The following HYCC1 variants were observed in gnomAD, a reference collection of about 807,000 sequenced individuals.
HYCC1 encodes the protein hyccin.
chr7:22,949,622 T>C, the HYCC1 span, among the ~76,000 whole-genome samples: 3 of 151,984 alleles, frequency 2.0e-5, no homozygotes, highest in Non-Finnish European at 4.4e-5. Flanking sequence ...GAGATGCCAA[T>C]GAAAGCTGTT....
chr7:22,937,696 T>C, the HYCC1 span: 1 of 152,188 alleles, frequency 6.6e-6, no homozygotes, highest in Admixed American at 6.5e-5. Context: ...AAAACAAATC[T>C]TTATTCACCA....
At chr7:22,995,394 A>G in the HYCC1 span, among the ~76,000 whole-genome samples, 1 of 152,050 alleles carries the variant, frequency 6.6e-6, no homozygotes, top group Non-Finnish European at 1.5e-5. Flanking sequence ...AGAAGTCTTA[A>G]TTCCTAGAAT....
the HYCC1 span, among the ~76,000 whole-genome samples, chr7:22,919,040 A>G: frequency 6.6e-6 from 1 of 152,204 alleles, no homozygotes; most frequent in African/African-American, 2.4e-5. Context: ...CCATAGTCCC[A>G]ACAATGTATT....
the HYCC1 span, among the ~76,000 whole-genome samples, chr7:23,002,155 TATATATATATATATATATATAC>T: frequency 4.9e-4 from 13 of 26,420 alleles, no homozygotes; most frequent in South Asian, 4.0e-3. Context: ...TATATATATA[TATATATATATATATATATATAC>T]ATATAGTTTG....
At chr7:22,945,529 T>C in the HYCC1 span, 1 of 1,325,388 alleles carries the variant, frequency 7.5e-7, no homozygotes, top group African/African-American at 1.4e-5. Flanking sequence ...GGTACTTTCA[T>C]AAAGAAGCAA....
chr7:22,907,966 C>A, the HYCC1 span, among the ~76,000 whole-genome samples: 1 of 152,138 alleles, frequency 6.6e-6, no homozygotes, highest in Non-Finnish European at 1.5e-5. Flanking sequence ...CTACCACCCC[C>A]ACTCTCCCAT....
the HYCC1 span, among the ~76,000 whole-genome samples, chr7:22,997,039 C>T: frequency 3.9e-5 from 6 of 152,048 alleles, no homozygotes; most frequent in African/African-American, 1.4e-4. Flanking sequence ...AGAAGGCTTG[C>T]TAGGAGTCTA....
At chr7:22,947,007 A>C in the HYCC1 span, 2 of 1,549,770 alleles carry the variant, frequency 1.3e-6, no homozygotes, top group Non-Finnish European at 1.7e-6. Context: ...AGGTGAGTTT[A>C]TTCCATCCTC....
chr7:22,990,126 T>G, the HYCC1 span, among the ~76,000 whole-genome samples: 1 of 152,168 alleles, frequency 6.6e-6, no homozygotes, highest in Non-Finnish European at 1.5e-5. Context: ...TACATTAACT[T>G]TGTAGTTTTC....
At chr7:22,916,165 T>C in the HYCC1 span, among the ~76,000 whole-genome samples, 3 of 152,284 alleles carry the variant, frequency 2.0e-5, no homozygotes, top group African/African-American at 7.2e-5. Context: ...CATGGCCTTT[T>C]AAAGCCTATA....
the HYCC1 span, among the ~76,000 whole-genome samples, chr7:22,927,307 G>A: frequency 2.0e-5 from 3 of 152,098 alleles, no homozygotes; most frequent in Non-Finnish European, 4.4e-5. Flanking sequence ...TCAAAAGCTA[G>A]CAGAAGGCAA....
At chr7:22,965,610 AC>A in the HYCC1 span, among the ~76,000 whole-genome samples, 7 of 150,872 alleles carry the variant, frequency 4.6e-5, no homozygotes, top group African/African-American at 7.3e-5. Flanking sequence ...AAAAAAAAAA[AC>A]AAAGAAATAT....
At chr7:22,963,985 C>G in the HYCC1 span, among the ~76,000 whole-genome samples, 1 of 151,878 alleles carries the variant, frequency 6.6e-6, no homozygotes, top group African/African-American at 2.4e-5. Flanking sequence ...ATATTAGAAA[C>G]TAATAGAAAG....
chr7:22,924,025 C>A, the HYCC1 span, among the ~76,000 whole-genome samples: 83 of 142,862 alleles, frequency 5.8e-4, no homozygotes, highest in East Asian at 1.4e-3. Flanking sequence ...CCCAAAAAAA[C>A]CCAAATTAGC....
the HYCC1 span, among the ~76,000 whole-genome samples, chr7:22,900,826 A>T: frequency 6.6e-6 from 1 of 152,178 alleles, no homozygotes; most frequent in Non-Finnish European, 1.5e-5. Flanking sequence ...TATCAGAGTG[A>T]GTAGAAAAAA....
At chr7:22,976,817 A>G in the HYCC1 span, 4 of 1,526,040 alleles carry the variant, frequency 2.6e-6, no homozygotes, top group Non-Finnish European at 3.6e-6. Context: ...GGCTAGAGAA[A>G]AGACATTTGA....
the HYCC1 span, chr7:22,940,938 A>G: frequency 6.6e-6 from 1 of 152,022 alleles, no homozygotes; most frequent in Non-Finnish European, 1.5e-5. Context: ...ATGGCAATAA[A>G]GATTCTAAAG....
At chr7:23,001,111 T>A in the HYCC1 span, among the ~76,000 whole-genome samples, 1 of 152,138 alleles carries the variant, frequency 6.6e-6, no homozygotes, top group Non-Finnish European at 1.5e-5. Flanking sequence ...ACCAAATGTG[T>A]CATACATAGC....
the HYCC1 span, among the ~76,000 whole-genome samples, chr7:22,988,920 C>T: frequency 1.2e-3 from 176 of 152,272 alleles, 1 homozygote; most frequent in Admixed American, 2.2e-3. Context: ...CTGCTGTTAA[C>T]CGCTGCTCTG....
Sources: gnomAD v4.1 joint callset for allele counts (sites outside exome capture counted in the v4.1 genomes callset) on GRCh38, gnomAD v4.1.1 for gene constraint, MANE v1.5 for transcripts, NCBI Gene and HGNC (gene_info 2026-07-23, HGNC 2026-07-21) for gene names.